The following PRR5L variants were observed in gnomAD, a reference collection of about 807,000 sequenced individuals.
The protein encoded by PRR5L is proline-rich protein 5-like.
Under a neutral mutation model 36.4 loss-of-function variants are expected in PRR5L, and 21 were observed. That is an observed-to-expected ratio of 0.58 (90% CI 0.41 to 0.83). The LOEUF (loss-of-function observed/expected upper bound fraction) is 0.83, where lower values mean the gene tolerates loss of function less well. Among genes scored for constraint, PRR5L ranks in the 40% least tolerant of loss-of-function variants. The pLI is 0.00. For synonymous variants in PRR5L, 188 were observed against 197.0 expected (o/e 0.95, Z 0.38); for missense variants, 381 against 473.3 (o/e 0.80, Z 1.81).
At chr11:36,449,807 C>A (rs148088056) in intron 7 of PRR5L, among the ~76,000 whole-genome samples, 206 of 152,368 alleles carry the variant, frequency 1.4e-3, no homozygotes, top group African/African-American at 4.7e-3. Flanking sequence ...GGGCTGTGCA[C>A]AAGCCAAGTT....
intron 3 of PRR5L, among the ~76,000 whole-genome samples, chr11:36,410,728 C>A (rs1346130223): frequency 6.6e-6 from 1 of 152,218 alleles, no homozygotes; most frequent in Non-Finnish European, 1.5e-5. Flanking sequence ...AAGGACACCA[C>A]CTCCCATGGG....
chr11:36,462,077 C>G (rs1196059932), intron 8 of PRR5L, among the ~76,000 whole-genome samples: 9 of 152,162 alleles, frequency 5.9e-5, no homozygotes. Flanking sequence ...ATTCCCTTGA[C>G]TCTTATCTGT....
intron 1 of PRR5L, chr11:36,321,086 A>G (rs1307089816): frequency 6.6e-6 from 1 of 152,240 alleles, no homozygotes; most frequent in African/African-American, 2.4e-5. Context: ...TAAAAAAGTA[A>G]CAGAGGCCTA....
intron 1 of PRR5L, among the ~76,000 whole-genome samples, chr11:36,351,442 T>G (rs1272898975): frequency 4.6e-5 from 2 of 43,370 alleles, no homozygotes; most frequent in Non-Finnish European, 7.3e-5. Context: ...TATATATACA[T>G]ATATATTTAT....
rs188859793 is a variant in PRR5L, at chr11:36,394,050, T to A, written c.-125-6947T>A. ...TTTCTGTTGTGTAAGCCATGCAGCCTGCTGTATTTTGTAATAGCAGTTTGA... is the reference window on the plus strand; with the variant it reads ...TTTCTGTTGTGTAAGCCATGCAGCCAGCTGTATTTTGTAATAGCAGTTTGA... On this transcript the variant is annotated intron_variant, in intron 1 of 8. Transcript: ENST00000530639. 2.6e-5 allele frequency: 4 copies of A among 152,332 alleles called. No homozygotes were observed. In the East Asian group the frequency reaches 7.7e-4, roughly 29 times the overall value. 9.4% of individuals were successfully genotyped at this position (152,332 alleles called of 1,614,324 possible).
chr11:36,416,886 G>T (rs534382427), intron 3 of PRR5L, among the ~76,000 whole-genome samples: 1 of 152,110 alleles, frequency 6.6e-6, no homozygotes, highest in Non-Finnish European at 1.5e-5. Flanking sequence ...TCTGCATCCC[G>T]CTGTGAGATG....
intron 1 of PRR5L, among the ~76,000 whole-genome samples, chr11:36,368,562 A>G (rs1237175783): frequency 6.6e-6 from 1 of 152,242 alleles, no homozygotes; most frequent in East Asian, 1.9e-4. Flanking sequence ...AACTATTTTC[A>G]TAGAAAACTA....
intron 1 of PRR5L, among the ~76,000 whole-genome samples, chr11:36,379,054 A>AT: frequency 6.6e-6 from 1 of 152,150 alleles, no homozygotes; most frequent in East Asian, 1.9e-4. Flanking sequence ...AAATTGGCTC[A>AT]GTTATTGGGG....
chr11:36,336,696 T>G (rs1174161225), intron 1 of PRR5L, among the ~76,000 whole-genome samples: 1 of 152,118 alleles, frequency 6.6e-6, no homozygotes, highest in Non-Finnish European at 1.5e-5. Context: ...TAGAAAAGCA[T>G]GTATTTTTCT....
At chr11:36,336,038 G>A (rs1462669800) in intron 1 of PRR5L, among the ~76,000 whole-genome samples, 2 of 152,138 alleles carry the variant, frequency 1.3e-5, no homozygotes, top group South Asian at 2.1e-4. Context: ...CATGAGGTTC[G>A]AGGAGAGAGC....
At chr11:36,300,620 A>G (rs1261061056) in intron 1 of PRR5L, among the ~76,000 whole-genome samples, 1 of 151,948 alleles carries the variant, frequency 6.6e-6, no homozygotes, top group Non-Finnish European at 1.5e-5. Context: ...TAACCTAAAG[A>G]TGACTTCCGA....
chr11:36,371,561 G>A (rs1857197395), intron 1 of PRR5L, among the ~76,000 whole-genome samples: 1 of 152,208 alleles, frequency 6.6e-6, no homozygotes, highest in Non-Finnish European at 1.5e-5. Context: ...ATTAACAAAG[G>A]ATCTTGGATT....
At position 36,375,826 on chromosome 11, in the gene PRR5L, A is replaced by G. The variant is rs554430845; in HGVS notation, c.-125-25171A>G. 3.9e-5 allele frequency among the ~76,000 whole-genome samples: 6 copies of G among 152,324 alleles called. No homozygotes were observed. In the South Asian group the frequency reaches 1.2e-3, roughly 32 times the overall value. ...CCTGCAGTTAGAAAATGAGTTTGGG[A>G]GCTTTAAAAGAATTTGCAAACAAGG... On this transcript the variant is annotated intron_variant, in intron 1 of 8. Transcript: ENST00000530639.
At chr11:36,296,679 C>G (rs1463258993) in intron 1 of PRR5L, among the ~76,000 whole-genome samples, 1 of 152,186 alleles carries the variant, frequency 6.6e-6, no homozygotes, top group African/African-American at 2.4e-5. Flanking sequence ...TCTGGGTGAC[C>G]AGGGTCTTCA....
intron 6 of PRR5L, among the ~76,000 whole-genome samples, chr11:36,439,605 G>C (rs1443551496): frequency 6.6e-6 from 1 of 152,114 alleles, no homozygotes; most frequent in African/African-American, 2.4e-5. Flanking sequence ...AGCTGAATTG[G>C]GTTTGGGTGA....
chr11:36,460,818 G>A (rs1253290848), intron 8 of PRR5L, among the ~76,000 whole-genome samples: 6 of 152,166 alleles, frequency 3.9e-5, no homozygotes, highest in Admixed American at 2.0e-4. Flanking sequence ...TCTGCCTGCC[G>A]GGGCACCTCT....
intron 7 of PRR5L, among the ~76,000 whole-genome samples, chr11:36,450,012 C>T (rs979357911): frequency 6.6e-6 from 1 of 152,154 alleles, no homozygotes; most frequent in African/African-American, 2.4e-5. Context: ...AAATCTGCAC[C>T]ATAGCCCCAT....
chr11:36,330,230 G>T (rs1296471270), intron 1 of PRR5L, among the ~76,000 whole-genome samples: 2 of 152,144 alleles, frequency 1.3e-5, no homozygotes, highest in Admixed American at 1.3e-4. Context: ...TAAGTATAGA[G>T]AGTTTAAGAG....
intron 1 of PRR5L, among the ~76,000 whole-genome samples, chr11:36,341,133 A>G (rs575784359): frequency 9.8e-5 from 15 of 152,312 alleles, no homozygotes; most frequent in African/African-American, 3.6e-4. Context: ...CTTTATGCCA[A>G]TATCCACGGT....
Sources: allele counts gnomAD v4.1 joint callset (sites outside exome capture counted in the v4.1 genomes callset), GRCh38; gene constraint gnomAD v4.1.1; transcripts MANE v1.5; gene names NCBI Gene and HGNC (gene_info 2026-07-23, HGNC 2026-07-21).